The following COL24A1 variants were observed in gnomAD, a reference collection of about 807,000 sequenced individuals.
COL24A1 encodes collagen alpha-1(XXIV) chain.
A neutral mutation model predicts 253.9 loss-of-function variants in COL24A1; 224 were observed. The observed-to-expected ratio is 0.88, with a 90% confidence interval of 0.79 to 0.99. COL24A1 has a LOEUF of 0.99. COL24A1 is among the 50% of genes least tolerant of loss of function. The pLI, the probability that COL24A1 is intolerant of heterozygous loss-of-function variation, is 0.00. For missense variants in COL24A1, 2,131 were observed against 2,068.5 expected (o/e 1.03, Z -0.59); for synonymous variants, 685 against 673.7 (o/e 1.02, Z -0.26).
At chr1:86,050,081 A>C (rs2101675109) in intron 11 of COL24A1, 43 bp downstream of exon 11, 1 of 1,543,326 alleles carries the variant, frequency 6.5e-7, no homozygotes, top group East Asian at 2.3e-5. Context: ...CATTATCACA[A>C]GTATATCACT....
intron 12 of COL24A1, among the ~76,000 whole-genome samples, chr1:86,041,902 G>C (rs1037995033): frequency 9.9e-5 from 15 of 152,126 alleles, no homozygotes; most frequent in Admixed American, 9.8e-4. Flanking sequence ...TCCACAGATA[G>C]AGAGCAAAAG....
At chr1:85,898,889 G>T (rs1289200459) in intron 28 of COL24A1, among the ~76,000 whole-genome samples, 1 of 152,128 alleles carries the variant, frequency 6.6e-6, no homozygotes, top group African/African-American at 2.4e-5. Context: ...GTGACATGTG[G>T]GTAGACACCT....
intron 7 of COL24A1, among the ~76,000 whole-genome samples, chr1:86,064,377 C>T (rs563631547): frequency 6.6e-6 from 1 of 152,222 alleles, no homozygotes; most frequent in East Asian, 1.9e-4. Flanking sequence ...TATAAATTAA[C>T]ACCCAAAGCT....
chr1:85,896,642 C>A (rs1198035137), intron 28 of COL24A1, among the ~76,000 whole-genome samples: 1 of 152,062 alleles, frequency 6.6e-6, no homozygotes. Context: ...GGACTACAGG[C>A]GCTCGCCACC....
chr1:85,733,925 CAG>C (rs1314982620), intron 59 of COL24A1, among the ~76,000 whole-genome samples: 349 of 137,120 alleles, frequency 2.5e-3, no homozygotes, highest in Middle Eastern at 9.6e-3. Context: ...TTTTTTGAGA[CAG>C]AGTCTTACTC....
intron 7 of COL24A1, among the ~76,000 whole-genome samples, chr1:86,085,224 T>A (rs1702977059): frequency 6.6e-6 from 1 of 152,172 alleles, no homozygotes; most frequent in African/African-American, 2.4e-5. Context: ...ATGCTTTTGG[T>A]TGTTTATTCC....
chr1:86,126,058 G>C lies in COL24A1; in HGVS notation c.278C>G (p.Pro93Arg). Reference sequence around the variant, plus strand: ...GTTGACTGGTAAAATTTTCACGAAAGGTGTCTCGATATAAGCATCATTTTT... The same window carrying C: ...GTTGACTGGTAAAATTTTCACGAAACGTGTCTCGATATAAGCATCATTTTT... ...IFKNDAYIET[P>R]FVKILPVNLG... Residue 93 changes from proline (P) to arginine (R), a missense_variant, in exon 3 of 60, where the codon CCT (proline) becomes CGT (arginine). Coordinates refer to ENST00000370571, the MANE Select transcript of COL24A1 (RefSeq NM_152890.7). 6.2e-7 allele frequency: 1 copy of C among 1,613,580 alleles called. No homozygotes were observed. Among genetic ancestry groups the C allele is most frequent in the South Asian group, 1.1e-5 (1 of 91,064 alleles).
Position 85,982,063 on chromosome 1 carries a change from C to A in COL24A1, c.2364+5538G>T, listed in dbSNP as rs768614336. 3.3e-5 allele frequency among the ~76,000 whole-genome samples: 5 copies of A among 152,002 alleles called. No homozygotes were observed. The East Asian group carries it at 7.7e-4, about 23-fold the overall frequency. ...ATGAGTAAAGAAAATGTGGTATATACAAACAATGGAATATTATTCAGCCAT... is the reference window on the plus strand; with the variant it reads ...ATGAGTAAAGAAAATGTGGTATATAAAAACAATGGAATATTATTCAGCCAT... On this transcript the variant is annotated intron_variant, in intron 20 of 59. Transcript: ENST00000370571.
At chr1:85,772,839 A>C (rs1426300959) in intron 53 of COL24A1, among the ~76,000 whole-genome samples, 1 of 152,174 alleles carries the variant, frequency 6.6e-6, no homozygotes, top group Non-Finnish European at 1.5e-5. Context: ...CTCTGATGAT[A>C]GTTTCTTTTG....
intron 26 of COL24A1, among the ~76,000 whole-genome samples, chr1:85,908,934 C>G (rs1321543031): frequency 6.6e-6 from 1 of 151,626 alleles, no homozygotes; most frequent in Non-Finnish European, 1.5e-5. Context: ...CATACTACAG[C>G]CTATTTATAA....
At chr1:86,069,341 G>T (rs957004689) in intron 7 of COL24A1, among the ~76,000 whole-genome samples, 1 of 152,114 alleles carries the variant, frequency 6.6e-6, no homozygotes, top group Non-Finnish European at 1.5e-5. Flanking sequence ...ATGGACTAGT[G>T]GTGGTGGCCA....
intron 7 of COL24A1, among the ~76,000 whole-genome samples, chr1:86,067,491 G>GATGA (rs1184215362): frequency 2.6e-5 from 4 of 152,184 alleles, no homozygotes; most frequent in Non-Finnish European, 5.9e-5. Context: ...GACATGGATG[G>GATGA]ATGAATGAAT....
chr1:85,828,482 G>T (rs981167768), intron 43 of COL24A1, among the ~76,000 whole-genome samples: 2 of 151,102 alleles, frequency 1.3e-5, no homozygotes, highest in African/African-American at 2.4e-5. Flanking sequence ...TATCCTTGTT[G>T]ACTTTCTGTC....
At chr1:86,072,094 G>A (rs1701918820) in intron 7 of COL24A1, among the ~76,000 whole-genome samples, 1 of 152,312 alleles carries the variant, frequency 6.6e-6, no homozygotes, top group East Asian at 1.9e-4. Context: ...CATTTGGGGA[G>A]ACAACGAGCT....
At chr1:85,819,296 T>C (rs1558244579) in intron 45 of COL24A1, among the ~76,000 whole-genome samples, 1 of 152,198 alleles carries the variant, frequency 6.6e-6, no homozygotes, top group Non-Finnish European at 1.5e-5. Flanking sequence ...AAACAAAGAC[T>C]ATTTTAAATA....
rs78555989 is a variant in COL24A1 at position 85,783,509 on chromosome 1, G to T, written c.4271C>A (p.Pro1424His). The T allele has an allele frequency of 3.2e-4, 514 of 1,613,212 alleles. 1 individual carries two copies. The East Asian group carries it at 5.3e-3, about 17-fold the overall frequency. ...GIVGISGPKGPIGHRGNTGPL... is the reference protein window; with the variant it reads ...GIVGISGPKGHIGHRGNTGPL... ...CTTTACACTTACTCTGTGTCCAATA[G>T]GACCTTTAGGACCTGATATCCCAAC... The change falls in exon 51 of 60, where the codon CCT becomes CAT. Residue 1424 changes from proline to histidine, a missense_variant. Physicochemically the swap from Pro to His is moderately conservative, Grantham distance 77. Coordinates refer to ENST00000370571, the MANE Select transcript of COL24A1 (RefSeq NM_152890.7).
At chr1:85,909,482 A>G (rs1685163888) in intron 26 of COL24A1, among the ~76,000 whole-genome samples, 1 of 151,866 alleles carries the variant, frequency 6.6e-6, no homozygotes, top group Admixed American at 6.6e-5. Flanking sequence ...AAAGTGTAAG[A>G]GAATAAGATG....
intron 37 of COL24A1, among the ~76,000 whole-genome samples, chr1:85,855,454 A>G (rs1303787210): frequency 6.6e-6 from 1 of 152,094 alleles, no homozygotes; most frequent in Non-Finnish European, 1.5e-5. Context: ...CTTTTTCTGT[A>G]CCTATTGAGA....
At chr1:86,054,260 CA>C in intron 10 of COL24A1, among the ~76,000 whole-genome samples, 1 of 152,162 alleles carries the variant, frequency 6.6e-6, no homozygotes, top group East Asian at 1.9e-4. Context: ...ACTAAATCTT[CA>C]AAAGCAACAA....
Sources: allele counts gnomAD v4.1 joint callset (sites outside exome capture counted in the v4.1 genomes callset), GRCh38; gene constraint gnomAD v4.1.1; transcripts MANE v1.5; gene names NCBI Gene and HGNC (gene_info 2026-07-23, HGNC 2026-07-21).